Variants in PPP1R12A observed in about 807,000 individuals in gnomAD.
The protein encoded by PPP1R12A is myosin binding subunit.
In PPP1R12A, 19 loss-of-function variants were observed where a neutral mutation model predicts 139.6. The observed-to-expected ratio is 0.14, with a 90% CI of 0.09 to 0.20. The LOEUF is 0.20. Ranked by LOEUF, PPP1R12A falls within the 10% of genes least tolerant of loss-of-function variation. The pLI is 1.00. For synonymous variants in PPP1R12A, 427 were observed against 420.6 expected (o/e 1.02, Z -0.19); for missense variants, 925 against 1,211.5 (o/e 0.76, Z 3.51).
rs1323987810 is a variant in PPP1R12A, at chr12:79,822,205, A to AG, written c.793-16dup. ...GCTGTTTGGCCCTACGTAGGAAACA[A>AG]GGGGGGATGGTGATGGTCAAAAGTC... On this transcript the variant is annotated splice_polypyrimidine_tract_variant and intron_variant, in intron 5 of 24. Coordinates refer to ENST00000450142, the MANE Select transcript of PPP1R12A (RefSeq NM_002480.3). 3 of 1,552,508 alleles carry AG rather than the reference A, an allele frequency of 1.9e-6. No homozygotes were observed. The South Asian group carries it at 3.5e-5, about 18-fold the overall frequency.
At chr12:79,807,427 A>G (rs1873965320) in intron 11 of PPP1R12A, 97 bp from the exon 12 acceptor site, 1 of 740,506 alleles carries the variant, frequency 1.4e-6, no homozygotes. Flanking sequence ...TGAAACTAGT[A>G]AAAACCTTTG....
At chr12:79,815,715 T>C (rs1259347113) in intron 9 of PPP1R12A, among the ~76,000 whole-genome samples, 5 of 152,186 alleles carry the variant, frequency 3.3e-5, no homozygotes, top group Middle Eastern at 3.2e-3. Context: ...AGTTATAGGA[T>C]GATTAACAGT....
intron 8 of PPP1R12A, 85 bp downstream of exon 8, chr12:79,820,689 G>GA: frequency 6.8e-7 from 1 of 1,470,208 alleles, no homozygotes; most frequent in African/African-American, 1.4e-5. Flanking sequence ...AAATCAGTCT[G>GA]AAAAATTTAA....
chr12:79,842,489 A>G (rs1046748598), intron 3 of PPP1R12A, among the ~76,000 whole-genome samples: 2 of 151,818 alleles, frequency 1.3e-5, no homozygotes, highest in Non-Finnish European at 2.9e-5. Flanking sequence ...CCATTCCTCT[A>G]TCATTTGACC....
At chr12:79,842,287 T>A (rs946010697) in intron 3 of PPP1R12A, among the ~76,000 whole-genome samples, 5 of 152,278 alleles carry the variant, frequency 3.3e-5, no homozygotes, top group African/African-American at 1.2e-4. Flanking sequence ...GTCACTGCAC[T>A]CCAGTCTGTC....
At chr12:79,877,747 C>T (rs1437118810) in intron 1 of PPP1R12A, among the ~76,000 whole-genome samples, 1 of 152,110 alleles carries the variant, frequency 6.6e-6, no homozygotes, top group Non-Finnish European at 1.5e-5. Context: ...AACTCCTGAC[C>T]TCAAGTGATC....
At chr12:79,797,467 G>T in intron 15 of PPP1R12A, 72 bp from the exon 16 acceptor site, 1 of 1,359,788 alleles carries the variant, frequency 7.4e-7, no homozygotes, top group South Asian at 1.4e-5. Context: ...TTTAGAAATA[G>T]ATATATTACA....
intron 20 of PPP1R12A, among the ~76,000 whole-genome samples, chr12:79,789,192 A>C (rs780623412): frequency 6.6e-5 from 10 of 152,078 alleles, no homozygotes. Flanking sequence ...TCAGCCTCCC[A>C]AAGTGCTGGG....
At chr12:79,917,623 G>T (rs898083494) in intron 1 of PPP1R12A, among the ~76,000 whole-genome samples, 2 of 151,342 alleles carry the variant, frequency 1.3e-5, no homozygotes, top group Admixed American at 6.6e-5. Flanking sequence ...CTCATTAACT[G>T]CAACTTTTAA....
chr12:79,773,677 T>G lies in PPP1R12A; in HGVS notation c.*2252A>C, dbSNP rs1869471848. 1.3e-5 allele frequency: 2 copies of G among 152,208 alleles called. No individual in the cohort carries two copies. Among genetic ancestry groups the G allele is most frequent in the Non-Finnish European group, 1.5e-5 (1 of 68,020 alleles). The allele number at this position is 152,208 out of a possible 1,614,324, so 9.4% of individuals were successfully genotyped here. A position where few individuals can be genotyped will look rare whatever the true frequency, so the allele number is the denominator to read the frequency against. ...TGCATTTACAGATGTGCATGTACAA[T>G]GCTGTGCAAATTATCACAATATTAC... is the stretch of plus-strand genomic sequence containing the variant. On this transcript the variant is annotated 3_prime_UTR_variant, in exon 25 of 25. Coordinates refer to ENST00000450142, the MANE Select transcript of PPP1R12A (RefSeq NM_002480.3).
In PPP1R12A at chr12:79,786,433, G is replaced by A; in HGVS notation, c.2848C>T (p.Leu950=). The A allele has an allele frequency of 6.4e-7, 1 of 1,562,700 alleles. No individual in the cohort carries two copies. Among genetic ancestry groups the A allele is most frequent in the Non-Finnish European group, 8.7e-7 (1 of 1,153,198 alleles). ...LAENEKLKAQ[L]HDTNMELTDL... is the part of the protein sequence containing the mutation. The stretch of plus-strand genomic sequence containing the variant: ...GTTAGTTCCATATTTGTATCATGTA[G>A]CTGTGCCTTCAGCTTTTCATTTTCA... The change falls in exon 22 of 25, where the codon CTA becomes TTA. Residue 950 remains leucine, a synonymous_variant. Transcript: ENST00000450142.
intron 14 of PPP1R12A, among the ~76,000 whole-genome samples, chr12:79,801,951 G>C (rs1873234840): frequency 6.6e-6 from 1 of 152,010 alleles, no homozygotes; most frequent in African/African-American, 2.4e-5. Context: ...ATTATACTTT[G>C]ACTTTAATTT....
intron 4 of PPP1R12A, among the ~76,000 whole-genome samples, chr12:79,828,779 C>T (rs1877082687): frequency 6.6e-6 from 1 of 151,936 alleles, no homozygotes; most frequent in African/African-American, 2.4e-5. Flanking sequence ...CACAGAAAAG[C>T]CCATAATTTT....
chr12:79,833,978 C>T (rs545078135), intron 3 of PPP1R12A, among the ~76,000 whole-genome samples: 14 of 152,080 alleles, frequency 9.2e-5, no homozygotes, highest in Non-Finnish European at 1.3e-4. Context: ...TAATCCATAT[C>T]CATGTATACA....
intron 10 of PPP1R12A, among the ~76,000 whole-genome samples, chr12:79,809,535 G>T (rs1468104892): frequency 6.6e-6 from 1 of 152,036 alleles, no homozygotes; most frequent in Non-Finnish European, 1.5e-5. Context: ...CCTTAATACA[G>T]TTCTATTATA....
intron 23 of PPP1R12A, chr12:79,779,306 C>T (rs1870126365): frequency 7.8e-7 from 1 of 1,288,776 alleles, no homozygotes; most frequent in Admixed American, 2.3e-5. Flanking sequence ...AGCTGTAAAA[C>T]TGGTTAGGTC....
intron 4 of PPP1R12A, among the ~76,000 whole-genome samples, chr12:79,829,059 A>C (rs1877112718): frequency 6.6e-6 from 1 of 152,072 alleles, no homozygotes; most frequent in Admixed American, 6.6e-5. Flanking sequence ...TGAGCAGTAG[A>C]AAGCAGATAC....
chr12:79,808,415 T>C, intron 11 of PPP1R12A, 68 bp downstream of exon 11: 1 of 1,050,036 alleles, frequency 9.5e-7, no homozygotes, highest in Admixed American at 1.8e-5. Context: ...AATGCTCATG[T>C]ATTAACTCTA....
At chr12:79,805,240 G>A (rs1436046300) in intron 14 of PPP1R12A, among the ~76,000 whole-genome samples, 1 of 152,114 alleles carries the variant, frequency 6.6e-6, no homozygotes, top group Non-Finnish European at 1.5e-5. Context: ...GATAAAACCT[G>A]TTTTTGTCAT....
Sources: allele counts gnomAD v4.1 joint callset (sites outside exome capture counted in the v4.1 genomes callset), GRCh38; gene constraint gnomAD v4.1.1; transcripts MANE v1.5; gene names NCBI Gene and HGNC (gene_info 2026-07-23, HGNC 2026-07-21).